Variants in STAG1 observed in about 807,000 individuals in gnomAD.
STAG1 encodes the protein STAG1 cohesin complex component, also known as cohesin subunit SA-1.
In STAG1, 26 loss-of-function variants were observed where a neutral mutation model predicts 170.9. The observed-to-expected ratio is 0.15, with a 90% CI of 0.11 to 0.21. STAG1 has a LOEUF of 0.21. Among genes scored for constraint, STAG1 ranks in the 10% least tolerant of loss-of-function variants. The pLI is 1.00. For synonymous variants in STAG1, 514 were observed against 497.7 expected (o/e 1.03, Z -0.44); for missense variants, 964 against 1,509.5 (o/e 0.64, Z 5.99).
rs1485400712 is a variant in STAG1 at position 136,422,972 on chromosome 3, G to A, written c.1723C>T (p.Leu575Phe). 1 of 1,606,480 alleles carries A rather than the reference G, an allele frequency of 6.2e-7. No individual in the cohort carries two copies. Among genetic ancestry groups the A allele is most frequent in the Non-Finnish European group, 8.5e-7 (1 of 1,175,968 alleles). Residue 575 changes from leucine (L) to phenylalanine (F), a missense_variant, in exon 17 of 34, where the codon CTT becomes TTT. Transcript: ENST00000383202. ...NKLTEHFIIT[L>F]PMLLSKYSAD... ...TGTACCTTTGACAGTAACATAGGAA[G>A]TGTAATAATAAAATGTTCAGTCAAT...
intron 13 of STAG1, among the ~76,000 whole-genome samples, chr3:136,460,689 C>G (rs374978364): frequency 1.3e-4 from 20 of 150,422 alleles, no homozygotes; most frequent in South Asian, 2.1e-4. Context: ...GTCTCCCCCC[C>G]CAAAAAAAAA....
chr3:136,681,993 T>C (rs768246541), intron 1 of STAG1, among the ~76,000 whole-genome samples: 15 of 152,156 alleles, frequency 9.9e-5, no homozygotes, highest in Non-Finnish European at 2.9e-5. Flanking sequence ...TCACCCTTTC[T>C]ATTCAACATG....
intron 23 of STAG1, among the ~76,000 whole-genome samples, chr3:136,376,016 C>CAAAATAAAAT (rs71157376): frequency 0.36 from 41,412 of 115,330 alleles, 7,846 homozygotes; most frequent in African/African-American, 0.37. Flanking sequence ...AAATAATTAA[C>CAAAATAAAAT]AAAATAAAAT....
chr3:136,370,327 A>T (rs1005821098), intron 23 of STAG1, among the ~76,000 whole-genome samples: 1 of 152,002 alleles, frequency 6.6e-6, no homozygotes, highest in African/African-American at 2.4e-5. Flanking sequence ...TTGTAGGCCT[A>T]GGCTAATGTA....
intron 25 of STAG1, among the ~76,000 whole-genome samples, chr3:136,364,949 T>C (rs769367680): frequency 1.3e-5 from 2 of 152,086 alleles, no homozygotes; most frequent in Non-Finnish European, 2.9e-5. Context: ...AAGATAAATA[T>C]CAAAACACTA....
chr3:136,457,898 C>A (rs995751149), intron 13 of STAG1, among the ~76,000 whole-genome samples: 4 of 152,014 alleles, frequency 2.6e-5, no homozygotes, highest in Non-Finnish European at 4.4e-5. Flanking sequence ...GAGTTTGAGA[C>A]CAGCCTGGGC....
chr3:136,441,602 T>A lies in STAG1; in HGVS notation c.1546+1685A>T, dbSNP rs921186081. Among the ~76,000 whole-genome samples, 18 of 152,262 alleles carry A rather than the reference T, an allele frequency of 1.2e-4. No individual in the cohort carries two copies. In the South Asian group the frequency reaches 3.5e-3, roughly 30 times the overall value. ...ATTATGTCAAAGCCAGAATAGATAA[T>A]ACAAATTAGTATCACTGCTTGGAAG... On this transcript the variant is annotated intron_variant, in intron 15 of 33. Transcript: ENST00000383202.
intron 1 of STAG1, among the ~76,000 whole-genome samples, chr3:136,671,294 A>G (rs1043644382): frequency 1.3e-5 from 2 of 152,054 alleles, no homozygotes; most frequent in African/African-American, 4.8e-5. Flanking sequence ...AAAAATAAAA[A>G]GAAAGCACAC....
At chr3:136,536,568 G>GT (rs1358811783) in intron 6 of STAG1, among the ~76,000 whole-genome samples, 1 of 151,914 alleles carries the variant, frequency 6.6e-6, no homozygotes, top group Non-Finnish European at 1.5e-5. Flanking sequence ...AGGCGTGGTG[G>GT]TGTGCGCCTG....
chr3:136,689,631 G>A (rs981615617), intron 1 of STAG1, among the ~76,000 whole-genome samples: 4 of 152,076 alleles, frequency 2.6e-5, no homozygotes, highest in African/African-American at 9.7e-5. Context: ...CTGGCTGATC[G>A]CTCTTAAATT....
At chr3:136,414,945 T>A (rs552681343) in intron 21 of STAG1, among the ~76,000 whole-genome samples, 1 of 152,288 alleles carries the variant, frequency 6.6e-6, no homozygotes, top group South Asian at 2.1e-4. Context: ...GGCCTGTCAA[T>A]GGAGCAGTCA....
rs1013612362 is a variant in STAG1, at chr3:136,501,246, G to A, written c.829-950C>T. 1.4e-4 allele frequency among the ~76,000 whole-genome samples: 22 copies of A among 152,146 alleles called. 1 individual carries two copies. Among genetic ancestry groups the A allele is most frequent in the Non-Finnish European group, 1.5e-5 (1 of 68,026 alleles). ...AGTCAGCAGTACTTACGAAAGCCCA[G>A]CTCTAGTATTTACTTCTATAATATT... On this transcript the variant is annotated intron_variant, in intron 8 of 33. Coordinates refer to ENST00000383202, the MANE Select transcript of STAG1 (RefSeq NM_005862.3).
At chr3:136,583,800 T>TA (rs1267270992) in intron 4 of STAG1, among the ~76,000 whole-genome samples, 2 of 151,944 alleles carry the variant, frequency 1.3e-5, no homozygotes, top group Non-Finnish European at 2.9e-5. Context: ...CAAGGAGATT[T>TA]AAAAAACAAA....
chr3:136,750,218 G>A (rs1935160232), intron 1 of STAG1, among the ~76,000 whole-genome samples: 1 of 152,046 alleles, frequency 6.6e-6, no homozygotes, highest in Non-Finnish European at 1.5e-5. Flanking sequence ...AGTCTTGTAT[G>A]TTGCCCAGGT....
At chr3:136,685,879 C>G (rs1171938686) in intron 1 of STAG1, among the ~76,000 whole-genome samples, 1 of 151,720 alleles carries the variant, frequency 6.6e-6, no homozygotes, top group Non-Finnish European at 1.5e-5. Context: ...CAACTTGGAA[C>G]AAACACAAAG....
intron 21 of STAG1, among the ~76,000 whole-genome samples, chr3:136,403,292 GA>G (rs1389911281): frequency 5.0e-5 from 5 of 99,610 alleles, no homozygotes; most frequent in African/African-American, 7.7e-5. Context: ...GAAAAGGGAA[GA>G]AAAAAAGAAT....
intron 5 of STAG1, among the ~76,000 whole-genome samples, chr3:136,567,068 C>G (rs928699749): frequency 7.9e-5 from 12 of 152,144 alleles, no homozygotes; most frequent in African/African-American, 2.4e-4. Context: ...GAGCAGTTAA[C>G]TATGTGTAGA....
At chr3:136,735,905 G>A (rs1235551598) in intron 1 of STAG1, among the ~76,000 whole-genome samples, 1 of 152,224 alleles carries the variant, frequency 6.6e-6, no homozygotes, top group African/African-American at 2.4e-5. Flanking sequence ...AAAGTGAAAG[G>A]TTGGGGTGGC....
chr3:136,417,556 T>C (rs1313579126), intron 21 of STAG1: 2 of 218,908 alleles, frequency 9.1e-6, no homozygotes, highest in African/African-American at 4.7e-5. Context: ...AGAACACGGC[T>C]GGAATATACC....
Sources: allele counts gnomAD v4.1 joint callset (sites outside exome capture counted in the v4.1 genomes callset), GRCh38; gene constraint gnomAD v4.1.1; transcripts MANE v1.5; gene names NCBI Gene and HGNC (gene_info 2026-07-23, HGNC 2026-07-21).